The following ZPBP variants were observed in gnomAD, a reference collection of about 807,000 sequenced individuals.
ZPBP encodes the protein zona pellucida-binding protein 1.
ZPBP carries 26 observed loss-of-function variants against 44.8 expected under a neutral mutation model. That is an observed-to-expected ratio of 0.58 (90% CI 0.43 to 0.81). The LOEUF (loss-of-function observed/expected upper bound fraction) is 0.81. Among genes scored for constraint, ZPBP ranks in the 30% least tolerant of loss-of-function variants. The probability of loss-of-function intolerance (pLI) is 0.00; values close to 1 mark genes in which losing one functional copy is unlikely to be tolerated. For missense variants in ZPBP, 409 were observed against 434.0 expected (o/e 0.94, Z 0.51); for synonymous variants, 174 against 153.2 (o/e 1.14, Z -1.00).
chr7:49,974,942 G>A (rs756074446), intron 7 of ZPBP, among the ~76,000 whole-genome samples: 2 of 46,776 alleles, frequency 4.3e-5, no homozygotes, highest in Non-Finnish European at 9.3e-5. Flanking sequence ...CGGGGAAATG[G>A]AGTGACTGGC....
chr7:49,947,128 C>T (rs1197157839), intron 7 of ZPBP, among the ~76,000 whole-genome samples: 1 of 152,072 alleles, frequency 6.6e-6, no homozygotes, highest in African/African-American at 2.4e-5. Context: ...TGTTAAGCTT[C>T]CTCAAAATAG....
At chr7:49,947,245 G>A (rs894963906) in intron 7 of ZPBP, among the ~76,000 whole-genome samples, 1 of 152,118 alleles carries the variant, frequency 6.6e-6, no homozygotes, top group Non-Finnish European at 1.5e-5. Context: ...GGATGATCTT[G>A]ATGCTTGTGG....
At chr7:49,951,854 G>GTA (rs1034337982) in intron 7 of ZPBP, among the ~76,000 whole-genome samples, 7 of 151,136 alleles carry the variant, frequency 4.6e-5, no homozygotes, top group African/African-American at 1.2e-4. Flanking sequence ...TAAACAAATT[G>GTA]TATATATATA....
chr7:50,055,111 G>A (rs1489180610), intron 4 of ZPBP, among the ~76,000 whole-genome samples: 1 of 152,094 alleles, frequency 6.6e-6, no homozygotes. Context: ...TCATCTTTCT[G>A]AAAGACTAAC....
chr7:49,962,863 AC>A (rs1795911232), intron 7 of ZPBP, among the ~76,000 whole-genome samples: 1 of 151,828 alleles, frequency 6.6e-6, no homozygotes, highest in African/African-American at 2.4e-5. Context: ...TCTTGGACAG[AC>A]ACAATATCCT....
At chr7:49,910,229 C>T (rs536589620) in intron 1 of ZPBP, among the ~76,000 whole-genome samples, 4 of 152,124 alleles carry the variant, frequency 2.6e-5, no homozygotes, top group Admixed American at 1.3e-4. Context: ...ACCTCCTGGG[C>T]GAACTCGAAA....
intron 1 of ZPBP, chr7:49,912,010 A>G: frequency 1.2e-6 from 2 of 1,606,928 alleles, no homozygotes; most frequent in Non-Finnish European, 1.7e-6. Context: ...CACATATAGT[A>G]TAAAACATTT....
chr7:50,025,176 T>C (rs114415600), intron 5 of ZPBP, among the ~76,000 whole-genome samples: 472 of 152,002 alleles, frequency 3.1e-3, no homozygotes, highest in African/African-American at 0.011. Context: ...TGTTCATAGA[T>C]AGGAAGATCC....
At chr7:49,940,748 G>A in intron 7 of ZPBP, 1 of 985,094 alleles carries the variant, frequency 1.0e-6, no homozygotes, top group Non-Finnish European at 1.2e-6. Flanking sequence ...TGCAGCTCTG[G>A]AAGATTCCAT....
chr7:49,940,852 A>T (rs749899914), intron 7 of ZPBP: 19 of 948,708 alleles, frequency 2.0e-5, no homozygotes, highest in Non-Finnish European at 2.4e-5. Context: ...TGATGGGTGC[A>T]GTTCCTGAAA....
At chr7:49,997,872 A>G (rs1797920384) in intron 6 of ZPBP, among the ~76,000 whole-genome samples, 1 of 152,078 alleles carries the variant, frequency 6.6e-6, no homozygotes, top group Admixed American at 6.6e-5. Context: ...ATCCCACCTT[A>G]AAGGATCCCA....
intron 6 of ZPBP, among the ~76,000 whole-genome samples, chr7:49,994,172 A>G (rs1034826653): frequency 2.6e-5 from 4 of 152,156 alleles, no homozygotes; most frequent in Non-Finnish European, 5.9e-5. Flanking sequence ...TGCATTGCCC[A>G]AAGTTTTCCC....
intron 2 of ZPBP, among the ~76,000 whole-genome samples, chr7:49,877,700 C>T (rs1791499579): frequency 2.0e-5 from 3 of 149,420 alleles, no homozygotes. Flanking sequence ...CAGGAGCCCT[C>T]CCATCTAGTC....
chr7:49,938,493 C>G (rs1251474093), intron 7 of ZPBP, among the ~76,000 whole-genome samples: 4 of 152,144 alleles, frequency 2.6e-5, no homozygotes, highest in African/African-American at 9.7e-5. Context: ...GTTCCACTAT[C>G]CTTATTTTGT....
intron 5 of ZPBP, among the ~76,000 whole-genome samples, chr7:50,027,562 C>T (rs910545158): frequency 6.6e-6 from 1 of 150,634 alleles, no homozygotes; most frequent in Non-Finnish European, 1.5e-5. Context: ...CCTTAAGAAA[C>T]TAGAAAAAGA....
intron 3 of ZPBP, among the ~76,000 whole-genome samples, chr7:50,075,412 A>C (rs554016682): frequency 6.6e-6 from 1 of 152,148 alleles, no homozygotes; most frequent in South Asian, 2.1e-4. Context: ...GAAATAATAA[A>C]GATCAGAGGA....
chr7:49,864,582 G>T (rs911348480), intron 2 of ZPBP, among the ~76,000 whole-genome samples: 2 of 152,178 alleles, frequency 1.3e-5, no homozygotes, highest in Non-Finnish European at 2.9e-5. Flanking sequence ...GTAGTTGGCT[G>T]CAGGTTGTTG....
intron 3 of ZPBP, among the ~76,000 whole-genome samples, chr7:50,060,211 C>T (rs568965625): frequency 6.6e-6 from 1 of 150,710 alleles, no homozygotes; most frequent in African/African-American, 2.5e-5. Context: ...GGAGTGTTGG[C>T]GGGGACAAGA....
rs1217317082 is a variant in ZPBP, at chr7:50,081,886, G to T, written c.222C>A (p.Val74=). ...GSTSFPVKAY[V]MLHQKSPHVL... ...CGTGTGGACTCTTTTGATGGAGCAT[G>T]ACATACGCTTTCACTGAAAATACAA... Residue 74 remains valine (V), a synonymous_variant, in exon 3 of 8, where the codon GTC becomes GTA. Transcript: ENST00000046087. 6.2e-7 allele frequency: 1 copy of T among 1,610,900 alleles called. No individual in the cohort carries two copies. Among genetic ancestry groups the T allele is most frequent in the South Asian group, 1.1e-5 (1 of 91,004 alleles).
Sources: gnomAD v4.1 joint callset for allele counts (sites outside exome capture counted in the v4.1 genomes callset) on GRCh38, gnomAD v4.1.1 for gene constraint, MANE v1.5 for transcripts, NCBI Gene and HGNC (gene_info 2026-07-23, HGNC 2026-07-21) for gene names.